Variants in DTL observed in about 807,000 individuals in gnomAD.
DTL encodes the protein denticleless protein homolog.
DTL carries 46 observed loss-of-function variants against 87.0 expected under a neutral mutation model. That is an observed-to-expected ratio of 0.53 (90% CI 0.42 to 0.68). The LOEUF (loss-of-function observed/expected upper bound fraction) is 0.68, where lower values mean the gene tolerates loss of function less well. Ranked by LOEUF, DTL falls within the 30% of genes least tolerant of loss-of-function variation. The pLI is 0.00. For missense variants in DTL, 737 were observed against 869.4 expected (o/e 0.85, Z 1.91); for synonymous variants, 308 against 311.2 (o/e 0.99, Z 0.11).
intron 5 of DTL, among the ~76,000 whole-genome samples, chr1:212,059,472 C>A (rs1290815592): frequency 1.3e-5 from 2 of 151,166 alleles, no homozygotes; most frequent in African/African-American, 4.9e-5. Context: ...AATTCAGCAT[C>A]TCCTCCGAAT....
At chr1:212,047,480 T>C in intron 5 of DTL, 63 bp downstream of exon 5, 1 of 1,592,916 alleles carries the variant, frequency 6.3e-7, no homozygotes, top group Non-Finnish European at 8.6e-7. Flanking sequence ...GATAAGAACC[T>C]GTAATTGTTT....
intron 8 of DTL, among the ~76,000 whole-genome samples, chr1:212,067,443 A>G (rs933957517): frequency 6.6e-5 from 10 of 152,290 alleles, no homozygotes; most frequent in Middle Eastern, 3.4e-3. Context: ...GTGTTGTAGA[A>G]TATTAATTCT....
At chr1:212,049,902 T>C (rs1230102736) in intron 5 of DTL, among the ~76,000 whole-genome samples, 1 of 151,728 alleles carries the variant, frequency 6.6e-6, no homozygotes, top group Non-Finnish European at 1.5e-5. Context: ...TAATCTGAGC[T>C]CATTATGGTG....
intron 13 of DTL, among the ~76,000 whole-genome samples, chr1:212,092,534 T>TAA (rs1383532624): frequency 7.1e-6 from 1 of 141,630 alleles, no homozygotes; most frequent in Admixed American, 7.0e-5. Context: ...AGACTCCGTC[T>TAA]AAAAAAAAAA....
At chr1:212,046,453 C>G (rs562891286) in intron 3 of DTL, among the ~76,000 whole-genome samples, 13 of 152,304 alleles carry the variant, frequency 8.5e-5, no homozygotes, top group South Asian at 4.2e-4. Flanking sequence ...CATGCTCCCC[C>G]TCAAGAGGCC....
At chr1:212,093,750 G>T (rs967412984) in intron 13 of DTL, among the ~76,000 whole-genome samples, 1 of 152,202 alleles carries the variant, frequency 6.6e-6, no homozygotes, top group Non-Finnish European at 1.5e-5. Flanking sequence ...TTCCTGCTAG[G>T]GTCTTGGGGG....
chr1:212,048,200 T>C (rs1438494053), intron 5 of DTL, among the ~76,000 whole-genome samples: 3 of 152,200 alleles, frequency 2.0e-5, no homozygotes, highest in Admixed American at 2.0e-4. Context: ...TTTGTTTGTT[T>C]GTTTGTTTTT....
intron 13 of DTL, among the ~76,000 whole-genome samples, chr1:212,090,755 A>G (rs1655257083): frequency 6.6e-6 from 1 of 152,240 alleles, no homozygotes; most frequent in Non-Finnish European, 1.5e-5. Flanking sequence ...AGTCATTTGT[A>G]AAATAAAGTG....
intron 11 of DTL, among the ~76,000 whole-genome samples, chr1:212,075,421 T>C (rs1654798603): frequency 6.6e-6 from 1 of 152,186 alleles, no homozygotes; most frequent in Admixed American, 6.5e-5. Flanking sequence ...TTAGACTTAA[T>C]AGTCGCCTTC....
At chr1:212,049,850 T>C (rs1667911542) in intron 5 of DTL, among the ~76,000 whole-genome samples, 1 of 152,188 alleles carries the variant, frequency 6.6e-6, no homozygotes, top group East Asian at 1.9e-4. Context: ...AAAAATATTG[T>C]AGACATAAAA....
At chr1:212,053,427 A>G (rs1315090830) in intron 5 of DTL, among the ~76,000 whole-genome samples, 3 of 151,734 alleles carry the variant, frequency 2.0e-5, no homozygotes, top group Non-Finnish European at 4.4e-5. Flanking sequence ...TTCTGGGCCC[A>G]AGGGATCTGT....
chr1:212,039,937 A>C lies in DTL; in HGVS notation c.53-3056A>C, dbSNP rs564375569. 6.6e-5 allele frequency among the ~76,000 whole-genome samples: 10 copies of C among 152,338 alleles called. No homozygotes were observed. The East Asian group carries it at 1.9e-3, about 29-fold the overall frequency. On this transcript the variant is annotated intron_variant, in intron 1 of 14. Transcript: ENST00000366991. ...TAGTCAGTCAGCACGAAGACCTGGG[A>C]CATTATACTACTGTAGACTTTATAA...
At chr1:212,054,631 C>T (rs191817656) in intron 5 of DTL, among the ~76,000 whole-genome samples, 4 of 151,378 alleles carry the variant, frequency 2.6e-5, no homozygotes, top group East Asian at 3.9e-4. Context: ...CTGTCTCTAC[C>T]AAAAATATAA....
At chr1:212,083,396 A>G (rs902636021) in intron 13 of DTL, among the ~76,000 whole-genome samples, 6 of 152,196 alleles carry the variant, frequency 3.9e-5, no homozygotes, top group African/African-American at 7.2e-5. Flanking sequence ...CAGCCAAACC[A>G]TATCAGGAGG....
At chr1:212,094,327 A>AGT (rs1655380182) in intron 13 of DTL, among the ~76,000 whole-genome samples, 1 of 152,190 alleles carries the variant, frequency 6.6e-6, no homozygotes, top group Admixed American at 6.5e-5. Flanking sequence ...GAGGCTTGCC[A>AGT]GTTATCCCAG....
intron 5 of DTL, among the ~76,000 whole-genome samples, chr1:212,048,048 G>A (rs1025569631): frequency 1.3e-5 from 2 of 152,096 alleles, no homozygotes; most frequent in Non-Finnish European, 2.9e-5. Flanking sequence ...CTTGTACTGG[G>A]CACTCATTAA....
intron 1 of DTL, among the ~76,000 whole-genome samples, chr1:212,039,718 CTG>C (rs1218935247): frequency 6.6e-6 from 1 of 152,172 alleles, no homozygotes; most frequent in Admixed American, 6.5e-5. Context: ...GGCTATAAAC[CTG>C]TGTAGCATAT....
chr1:212,080,875 C>T, intron 13 of DTL, 125 bp downstream of exon 13: 1 of 1,013,034 alleles, frequency 9.9e-7, no homozygotes, highest in East Asian at 2.5e-5. Context: ...ATCTTCTTGC[C>T]ATTCATTCTT....
chr1:212,065,082 T>A, intron 7 of DTL, 53 bp downstream of exon 7: 1 of 1,269,360 alleles, frequency 7.9e-7, no homozygotes, highest in Non-Finnish European at 1.1e-6. Flanking sequence ...TAGGATAGAA[T>A]AAATGGGAGG....
Sources: gnomAD v4.1 joint callset for allele counts (sites outside exome capture counted in the v4.1 genomes callset) on GRCh38, gnomAD v4.1.1 for gene constraint, MANE v1.5 for transcripts, NCBI Gene and HGNC (gene_info 2026-07-23, HGNC 2026-07-21) for gene names.